Variants in GRIK3 observed in about 807,000 individuals in gnomAD.
The protein encoded by GRIK3 is glutamate receptor ionotropic, kainate 3.
Under a neutral mutation model 102.5 loss-of-function variants are expected in GRIK3, and 29 were observed. That is an observed-to-expected ratio of 0.28 (90% CI 0.21 to 0.39). The LOEUF (loss-of-function observed/expected upper bound fraction) is 0.39, where lower values mean the gene tolerates loss of function less well. GRIK3 is among the 10% of genes least tolerant of loss of function. GRIK3 has a pLI of 1.00. For synonymous variants in GRIK3, 511 were observed against 504.9 expected (o/e 1.01, Z -0.16); for missense variants, 908 against 1,252.4 (o/e 0.73, Z 4.15).
At chr1:36,833,531 C>A (rs988558043) in intron 10 of GRIK3, among the ~76,000 whole-genome samples, 1 of 152,198 alleles carries the variant, frequency 6.6e-6, no homozygotes, top group South Asian at 2.1e-4. Flanking sequence ...GGTGAGCTCC[C>A]AGCATGTCCA....
chr1:36,830,369 C>G (rs1179389647), intron 10 of GRIK3, among the ~76,000 whole-genome samples: 4 of 151,974 alleles, frequency 2.6e-5, no homozygotes, highest in South Asian at 2.1e-4. Context: ...CCCCCCCACC[C>G]CCAATTATGT....
chr1:36,902,050 AACTC>A (rs1185591163), intron 1 of GRIK3, among the ~76,000 whole-genome samples: 4 of 152,206 alleles, frequency 2.6e-5, no homozygotes, highest in African/African-American at 9.7e-5. Context: ...TTTGAGGTAA[AACTC>A]ACAACTCTAA....
At chr1:36,942,115 G>A (rs1203688368) in intron 1 of GRIK3, among the ~76,000 whole-genome samples, 1 of 152,214 alleles carries the variant, frequency 6.6e-6, no homozygotes, top group African/African-American at 2.4e-5. Context: ...GAGACCTGGA[G>A]GGCAGGAAAA....
intron 3 of GRIK3, among the ~76,000 whole-genome samples, chr1:36,876,820 T>C (rs1640916638): frequency 6.6e-6 from 1 of 152,224 alleles, no homozygotes; most frequent in Non-Finnish European, 1.5e-5. Flanking sequence ...CTAGTGCTCA[T>C]TGTCTTCTTG....
chr1:36,856,279 A>G (rs543484810), intron 7 of GRIK3, among the ~76,000 whole-genome samples: 38 of 152,186 alleles, frequency 2.5e-4, no homozygotes, highest in Non-Finnish European at 5.3e-4. Flanking sequence ...CCTGCCTGTC[A>G]GCTACAGAGG....
rs77854088 is a variant in GRIK3 at position 36,855,390 on chromosome 1, C to T, written c.1105-1668G>A. ...AGGGGTCCACAGTTCCCTGGAGTTT[C>T]ATTGACAAATCCCAAATGAAAACCC... On this transcript the variant is annotated intron_variant, in intron 7 of 15. Transcript: ENST00000373091. 3.9e-3 allele frequency among the ~76,000 whole-genome samples: 593 copies of T among 152,350 alleles called. 7 individuals carry two copies. The highest frequency in any genetic ancestry group is 0.014 in the African/African-American group (562 of 41,582).
intron 1 of GRIK3, among the ~76,000 whole-genome samples, chr1:36,971,675 A>G (rs757900801): frequency 6.6e-6 from 1 of 152,118 alleles, no homozygotes; most frequent in Non-Finnish European, 1.5e-5. Context: ...CCTTGCCCCA[A>G]TCCCAGGGAG....
chr1:36,892,044 G>T (rs1641123277), intron 1 of GRIK3, among the ~76,000 whole-genome samples: 1 of 152,136 alleles, frequency 6.6e-6, no homozygotes, highest in Non-Finnish European at 1.5e-5. Context: ...TTGAGATGGA[G>T]TTTCACTCTT....
chr1:36,885,784 G>A (rs763971347), intron 2 of GRIK3, among the ~76,000 whole-genome samples: 1 of 152,094 alleles, frequency 6.6e-6, no homozygotes, highest in Non-Finnish European at 1.5e-5. Flanking sequence ...CTCTTGTTCT[G>A]GCAGCCCTGA....
chr1:36,912,410 A>C (rs1285105526), intron 1 of GRIK3, among the ~76,000 whole-genome samples: 1 of 151,964 alleles, frequency 6.6e-6, no homozygotes, highest in Non-Finnish European at 1.5e-5. Context: ...AATAGGCCCC[A>C]GCAGAACAGA....
At chr1:37,024,686 T>C (rs1569579704) in intron 1 of GRIK3, among the ~76,000 whole-genome samples, 1 of 133,470 alleles carries the variant, frequency 7.5e-6, no homozygotes, top group Non-Finnish European at 1.5e-5. Context: ...GAGGTTGCAG[T>C]GAGGTGAGAT....
At chr1:36,949,216 A>T (rs544682415) in intron 1 of GRIK3, among the ~76,000 whole-genome samples, 61 of 152,308 alleles carry the variant, frequency 4.0e-4, no homozygotes, top group African/African-American at 1.4e-3. Context: ...TCTCAACTTC[A>T]TCTTGATCTT....
chr1:36,910,567 GT>G (rs1641333226), intron 1 of GRIK3, among the ~76,000 whole-genome samples: 1 of 152,198 alleles, frequency 6.6e-6, no homozygotes, highest in Non-Finnish European at 1.5e-5. Flanking sequence ...AGCAGCAGTG[GT>G]GGGGGGGCGG....
intron 13 of GRIK3, among the ~76,000 whole-genome samples, chr1:36,816,565 G>A (rs1004039311): frequency 2.0e-5 from 3 of 152,202 alleles, no homozygotes; most frequent in Admixed American, 6.5e-5. Flanking sequence ...CATTCCTAGA[G>A]TGTAACATGC....
chr1:36,846,487 G>C (rs1640521219), intron 9 of GRIK3, among the ~76,000 whole-genome samples: 1 of 152,234 alleles, frequency 6.6e-6, no homozygotes, highest in South Asian at 2.1e-4. Context: ...CTTGGATCCA[G>C]GCCCTGTTCC....
rs984441136 is a variant in GRIK3, at chr1:36,830,601, G to A, written c.1531-4775C>T. ...AAGGTGGGTGGATTGCCTGAAGGCAGGAGTTCAAGACCAGCCTGGCCAACA... is the reference window on the plus strand; with the variant it reads ...AAGGTGGGTGGATTGCCTGAAGGCAAGAGTTCAAGACCAGCCTGGCCAACA... On this transcript the variant is annotated intron_variant, in intron 10 of 15. Transcript: ENST00000373091. Among the ~76,000 whole-genome samples the A allele has an allele frequency of 2.6e-5, 4 of 152,144 alleles. No homozygotes were observed. The East Asian group carries it at 5.8e-4, about 22-fold the overall frequency.
intron 9 of GRIK3, among the ~76,000 whole-genome samples, chr1:36,843,885 A>G (rs564850465): frequency 6.6e-6 from 1 of 152,370 alleles, no homozygotes; most frequent in Non-Finnish European, 1.5e-5. Flanking sequence ...GCCCAGATTA[A>G]GGCACATGCT....
intron 5 of GRIK3, among the ~76,000 whole-genome samples, chr1:36,867,576 T>C (rs1640798936): frequency 6.6e-6 from 1 of 152,102 alleles, no homozygotes; most frequent in Non-Finnish European, 1.5e-5. Flanking sequence ...AGAGAAAGAA[T>C]GCTCTCTAAG....
In GRIK3 at chr1:36,805,054, A is replaced by C. The variant is rs767809528; in HGVS notation, c.2498T>G (p.Val833Gly). 3 of 1,614,096 alleles carry C rather than the reference A, an allele frequency of 1.9e-6. No individual in the cohort carries two copies. The highest frequency in any genetic ancestry group is 1.7e-5 in the Admixed American group (1 of 60,016). The stretch of plus-strand genomic sequence containing the variant: ...GCCCACGGCCACCAGCACAGAGAGG[A>C]CCAGCCCGGCGGCCAGGACAATGAA... Reference protein sequence around the residue: ...GIFIVLAAGLVLSVLVAVGEF... With the variant: ...GIFIVLAAGLGLSVLVAVGEF... Residue 833 changes from valine (V) to glycine (G), a missense_variant, in exon 15 of 16, where the codon GTC (valine) becomes GGC (glycine). Transcript: ENST00000373091.
Sources: gnomAD v4.1 joint callset for allele counts (sites outside exome capture counted in the v4.1 genomes callset) on GRCh38, gnomAD v4.1.1 for gene constraint, MANE v1.5 for transcripts, NCBI Gene and HGNC (gene_info 2026-07-23, HGNC 2026-07-21) for gene names.